Variants in DACH1 observed in about 807,000 individuals in gnomAD.
DACH1 encodes the protein dachshund homolog 1.
In DACH1, 12 loss-of-function variants were observed where a neutral mutation model predicts 54.2. That is an observed-to-expected ratio of 0.22 (90% CI 0.14 to 0.36). DACH1 has a LOEUF of 0.36. DACH1 is among the 10% of genes least tolerant of loss of function. DACH1 has a pLI of 1.00. For missense variants in DACH1, 805 were observed against 929.8 expected (o/e 0.87, Z 1.75); for synonymous variants, 386 against 366.2 (o/e 1.05, Z -0.62).
intron 1 of DACH1, among the ~76,000 whole-genome samples, chr13:71,700,091 A>G (rs1882038201): frequency 6.6e-6 from 1 of 152,114 alleles, no homozygotes; most frequent in Admixed American, 6.5e-5. Context: ...GTGTGCGTGC[A>G]TGCATGTGCA....
At position 71,786,156 on chromosome 13, in the gene DACH1, A is replaced by C. The variant is rs564259930; in HGVS notation, c.848+79766T>G. Among the ~76,000 whole-genome samples the C allele has an allele frequency of 2.6e-5, 4 of 152,344 alleles. No homozygotes were observed. The East Asian group carries it at 7.7e-4, about 29-fold the overall frequency. Reference sequence around the variant, plus strand: ...AATAATACTAAGGCCCTGAAAAATAAAATACGTACTTGAATCATCTATTTT... The same window carrying C: ...AATAATACTAAGGCCCTGAAAAATACAATACGTACTTGAATCATCTATTTT... On this transcript the variant is annotated intron_variant, in intron 1 of 10. Coordinates refer to ENST00000613252, the MANE Select transcript of DACH1 (RefSeq NM_080759.6).
intron 2 of DACH1, among the ~76,000 whole-genome samples, chr13:71,668,229 A>C (rs2138669882): frequency 6.6e-6 from 1 of 152,174 alleles, no homozygotes; most frequent in South Asian, 2.1e-4. Context: ...CACATTTGTA[A>C]ATTAAACCCA....
At chr13:71,465,540 T>A (rs137945896) in intron 10 of DACH1, among the ~76,000 whole-genome samples, 1,722 of 152,232 alleles carry the variant, frequency 0.011, 33 homozygotes, top group African/African-American at 0.039. Context: ...GTTATCTATA[T>A]TACTAAATGA....
chr13:71,476,272 C>T (rs1007273086), intron 8 of DACH1, among the ~76,000 whole-genome samples: 2 of 152,124 alleles, frequency 1.3e-5, no homozygotes, highest in Admixed American at 6.5e-5. Flanking sequence ...CCTCATAGGG[C>T]ATCAATTTTG....
chr13:71,564,916 TTTG>T (rs779443619), intron 4 of DACH1, among the ~76,000 whole-genome samples: 12 of 152,162 alleles, frequency 7.9e-5, no homozygotes, highest in South Asian at 6.2e-4. Flanking sequence ...ATATTAAATT[TTTG>T]TTGTTGTTGT....
intron 1 of DACH1, among the ~76,000 whole-genome samples, chr13:71,745,733 A>G (rs7322922): frequency 0.74 from 111,842 of 152,102 alleles, 43,909 homozygotes; most frequent in Non-Finnish European, 0.89. Context: ...CAACTGGAGT[A>G]AGACTACACT....
chr13:71,746,459 G>C (rs1370686891), intron 1 of DACH1, among the ~76,000 whole-genome samples: 1 of 152,180 alleles, frequency 6.6e-6, no homozygotes, highest in East Asian at 1.9e-4. Context: ...TTTTTTAAAT[G>C]TGGCACTAAA....
chr13:71,640,669 TCA>T (rs1430590545), intron 2 of DACH1, among the ~76,000 whole-genome samples: 1 of 152,022 alleles, frequency 6.6e-6, no homozygotes, highest in East Asian at 1.9e-4. Flanking sequence ...TTCTTACTAC[TCA>T]CAGAACCCAT....
chr13:71,637,734 A>G (rs1438746879), intron 2 of DACH1, among the ~76,000 whole-genome samples: 1 of 152,152 alleles, frequency 6.6e-6, no homozygotes, highest in Non-Finnish European at 1.5e-5. Flanking sequence ...AAATTCTTCA[A>G]ATGCCATTAT....
At chr13:71,719,993 A>G (rs1883153386) in intron 1 of DACH1, among the ~76,000 whole-genome samples, 1 of 152,068 alleles carries the variant, frequency 6.6e-6, no homozygotes, top group African/African-American at 2.4e-5. Context: ...CGTACTGGGG[A>G]AGAATCTAGG....
chr13:71,680,394 G>T (rs1385452785), intron 2 of DACH1, among the ~76,000 whole-genome samples: 1 of 152,144 alleles, frequency 6.6e-6, no homozygotes, highest in Non-Finnish European at 1.5e-5. Flanking sequence ...TTGAGTCCAA[G>T]TGTTCAAGAC....
chr13:71,513,306 T>G (rs758637450), intron 6 of DACH1, among the ~76,000 whole-genome samples: 66 of 152,080 alleles, frequency 4.3e-4, no homozygotes, highest in Non-Finnish European at 7.1e-4. Flanking sequence ...CAAGCTGAAT[T>G]ATCATAAATT....
chr13:71,628,291 T>G (rs1279118954), intron 3 of DACH1, among the ~76,000 whole-genome samples: 1 of 152,008 alleles, frequency 6.6e-6, no homozygotes, highest in Non-Finnish European at 1.5e-5. Context: ...CCTCCCAAAA[T>G]CACTTTACTT....
intron 1 of DACH1, among the ~76,000 whole-genome samples, chr13:71,779,799 C>T (rs545888200): frequency 1.4e-4 from 21 of 152,174 alleles, no homozygotes; most frequent in African/African-American, 5.1e-4. Context: ...CTGGCCACCT[C>T]TACTCAACCG....
intron 2 of DACH1, among the ~76,000 whole-genome samples, chr13:71,661,136 C>T (rs971222996): frequency 2.0e-5 from 3 of 151,000 alleles, no homozygotes; most frequent in African/African-American, 7.3e-5. Flanking sequence ...ATACTAGCTG[C>T]TTAAACACAC....
Position 71,475,142 on chromosome 13 carries a change from T to G in DACH1, c.2082A>C (p.Gln694His). 1 of 1,613,744 alleles carries G rather than the reference T, an allele frequency of 6.2e-7. No individual in the cohort carries two copies. The highest frequency in any genetic ancestry group is 8.5e-7 in the Non-Finnish European group (1 of 1,179,692). ...GGRTDAERTI[Q>H]DGRLYLKTTV... The stretch of plus-strand genomic sequence containing the variant: ...TTATAGCCTTCTGCAAATTCCTACC[T>G]TGTATTGTCCTTTCAGCATCTGTTC... Residue 694 changes from glutamine (Q) to histidine (H), a missense_variant and splice_region_variant, in exon 10 of 11, where the codon CAA (glutamine) becomes CAC (histidine). Coordinates refer to ENST00000613252, the MANE Select transcript of DACH1 (RefSeq NM_080759.6).
intron 7 of DACH1, among the ~76,000 whole-genome samples, chr13:71,484,638 T>A (rs1480603764): frequency 6.6e-6 from 1 of 152,230 alleles, no homozygotes; most frequent in Non-Finnish European, 1.5e-5. Flanking sequence ...ACTTAAACTT[T>A]ACATTTTCAC....
At chr13:71,855,627 C>T (rs942476376) in intron 1 of DACH1, among the ~76,000 whole-genome samples, 2 of 151,944 alleles carry the variant, frequency 1.3e-5, no homozygotes, top group African/African-American at 4.8e-5. Context: ...GTGAATCCAG[C>T]TAAAATAAAA....
chr13:71,691,669 T>C (rs563490019), intron 1 of DACH1, among the ~76,000 whole-genome samples: 32 of 152,222 alleles, frequency 2.1e-4, no homozygotes, highest in South Asian at 4.1e-4. Flanking sequence ...CTGAGCACAG[T>C]GTAATACTAC....
Sources: allele counts gnomAD v4.1 joint callset (sites outside exome capture counted in the v4.1 genomes callset), GRCh38; gene constraint gnomAD v4.1.1; transcripts MANE v1.5; gene names NCBI Gene and HGNC (gene_info 2026-07-23, HGNC 2026-07-21).